The following C19orf47 variants were observed in gnomAD, a reference collection of about 807,000 sequenced individuals.
C19orf47 encodes chromosome 19 open reading frame 47.
In C19orf47, 18 loss-of-function variants were observed where a neutral mutation model predicts 32.3. The ratio of observed to expected loss-of-function variants is 0.56; its 90% CI spans 0.39 to 0.83. C19orf47 has a LOEUF of 0.83. C19orf47 is among the 40% of genes least tolerant of loss of function. C19orf47 has a pLI of 0.00. For synonymous variants in C19orf47, 202 were observed against 211.1 expected (o/e 0.96, Z 0.37); for missense variants, 484 against 531.6 (o/e 0.91, Z 0.88).
At chr19:40,300,696 T>C in the C19orf47 span, among the ~76,000 whole-genome samples, 1 of 152,180 alleles carries the variant, frequency 6.6e-6, no homozygotes. Context: ...GGTTCTTCTC[T>C]AAAAGCATTT....
intron 1 of C19orf47, among the ~76,000 whole-genome samples, chr19:40,348,123 C>A (rs1226634294): frequency 6.6e-6 from 1 of 152,214 alleles, no homozygotes; most frequent in Non-Finnish European, 1.5e-5. Flanking sequence ...CGTACACGAC[C>A]TGACTTCTCA....
intron 2 of C19orf47, among the ~76,000 whole-genome samples, chr19:40,341,529 C>T (rs2078177290): frequency 6.6e-6 from 1 of 152,042 alleles, no homozygotes; most frequent in Non-Finnish European, 1.5e-5. Context: ...CTCCTTAATC[C>T]CAGGATGTGT....
At chr19:40,332,636 G>A (rs1243140944) in intron 5 of C19orf47, 1 of 149,320 alleles carries the variant, frequency 6.7e-6, no homozygotes, top group Non-Finnish European at 1.5e-5. Flanking sequence ...AACAGAGGGA[G>A]ACTCCATCTC....
chr19:40,340,352 T>A (rs992859195), intron 2 of C19orf47, among the ~76,000 whole-genome samples: 15 of 152,050 alleles, frequency 9.9e-5, no homozygotes, highest in Non-Finnish European at 1.5e-5. Flanking sequence ...CAAAATAGAT[T>A]TTGCCTGCTT....
At chr19:40,295,222 A>C in the C19orf47 span, among the ~76,000 whole-genome samples, 1 of 151,906 alleles carries the variant, frequency 6.6e-6, no homozygotes, top group Non-Finnish European at 1.5e-5. Flanking sequence ...GGGTTTTACC[A>C]TGTTGGCCAG....
At chr19:40,335,577 C>T (rs2078045815) in intron 4 of C19orf47, among the ~76,000 whole-genome samples, 1 of 151,084 alleles carries the variant, frequency 6.6e-6, no homozygotes, top group Non-Finnish European at 1.5e-5. Flanking sequence ...GAGACACCGT[C>T]TCAAAAAAAT....
At chr19:40,338,868 T>C (rs1274482673) in intron 2 of C19orf47, among the ~76,000 whole-genome samples, 1 of 152,202 alleles carries the variant, frequency 6.6e-6, no homozygotes, top group Non-Finnish European at 1.5e-5. Context: ...AAATTGATTA[T>C]GGTGATGGCT....
chr19:40,319,535 C>CTT (rs762995974), downstream of C19orf47: 125 of 118,526 alleles, frequency 1.1e-3, 1 homozygote, highest in African/African-American at 2.0e-3. Context: ...AGGCCCTTGG[C>CTT]TTTTTTTTTT....
the C19orf47 span, among the ~76,000 whole-genome samples, chr19:40,311,509 T>C: frequency 6.6e-6 from 1 of 151,776 alleles, no homozygotes; most frequent in Non-Finnish European, 1.5e-5. Flanking sequence ...ACCACTGCAG[T>C]CTAGCCTGGG....
chr19:40,336,343 A>G lies in C19orf47; in HGVS notation c.84T>C (p.Tyr28=), dbSNP rs1216071467. The G allele has an allele frequency of 1.6e-5, 26 of 1,614,196 alleles. No homozygotes were observed. The highest frequency in any genetic ancestry group is 2.2e-5 in the Non-Finnish European group (26 of 1,180,034). The change falls in exon 3 of 9, where the codon TAT becomes TAC. Residue 28 remains tyrosine, a synonymous_variant. Coordinates refer to ENST00000683109, the MANE Select transcript of C19orf47 (RefSeq NM_001256441.2). The part of the protein sequence containing the change: ...AGIPPGPAVN[Y]AVMFVDNRIQ... ...ACCTATTATCCACAAACATCACGGC[A>G]TAATTGACGGCAGGTCCTGGAGGAA...
At chr19:40,336,453 G>A (rs1483757373) in intron 2 of C19orf47, 46 bp from the exon 3 acceptor site, 2 of 1,533,808 alleles carry the variant, frequency 1.3e-6, no homozygotes, top group Non-Finnish European at 1.8e-6. Context: ...CCTCTTTAGA[G>A]AATAGCATTA....
At chr19:40,341,204 C>T (rs1962639) in intron 2 of C19orf47, among the ~76,000 whole-genome samples, 60,270 of 151,264 alleles carry the variant, frequency 0.4, 13,126 homozygotes, top group South Asian at 0.61. Context: ...CGTGGTGGCA[C>T]GCGCCTGTAA....
At chr19:40,316,666 A>G (rs941062339), downstream of C19orf47, among the ~76,000 whole-genome samples, 4 of 152,182 alleles carry the variant, frequency 2.6e-5, no homozygotes, top group Admixed American at 6.5e-5. Flanking sequence ...TGTGTAAATA[A>G]ATCACCTGAA....
chr19:40,306,129 C>A, the C19orf47 span, among the ~76,000 whole-genome samples: 2 of 121,808 alleles, frequency 1.6e-5, no homozygotes, highest in African/African-American at 3.3e-5. Flanking sequence ...CCAGCCTGGA[C>A]GACAAGAGCA....
the C19orf47 span, among the ~76,000 whole-genome samples, chr19:40,300,314 A>G: frequency 6.6e-6 from 1 of 151,056 alleles, no homozygotes; most frequent in East Asian, 2.0e-4. Flanking sequence ...AAAATACAAA[A>G]ATTAGCTGGG....
At chr19:40,326,867 G>C (rs952481026) in intron 6 of C19orf47, among the ~76,000 whole-genome samples, 2 of 152,222 alleles carry the variant, frequency 1.3e-5, no homozygotes, top group African/African-American at 2.4e-5. Context: ...CACTTGAGCT[G>C]TGTACACTTA....
chr19:40,346,738 G>C (rs1350501772), intron 1 of C19orf47, among the ~76,000 whole-genome samples: 3 of 151,834 alleles, frequency 2.0e-5, no homozygotes, highest in African/African-American at 7.3e-5. Context: ...GTGTTAGCCA[G>C]GATGGTCTCT....
chr19:40,313,347 CAG>C, the C19orf47 span, among the ~76,000 whole-genome samples: 1 of 152,074 alleles, frequency 6.6e-6, no homozygotes, highest in South Asian at 2.1e-4. Context: ...TTTTTCGAGA[CAG>C]GGGCTCACTC....
At chr19:40,329,679 G>A (rs1201857549) in intron 5 of C19orf47, among the ~76,000 whole-genome samples, 3 of 152,068 alleles carry the variant, frequency 2.0e-5, no homozygotes, top group Non-Finnish European at 1.5e-5. Context: ...GAAATTCTTG[G>A]TTTTCAGGCC....
Sources: allele counts gnomAD v4.1 joint callset (sites outside exome capture counted in the v4.1 genomes callset), GRCh38; gene constraint gnomAD v4.1.1; transcripts MANE v1.5; gene names NCBI Gene and HGNC (gene_info 2026-07-23, HGNC 2026-07-21).